The following PAPSS1 variants were observed in gnomAD, a reference collection of about 807,000 sequenced individuals.
The protein encoded by PAPSS1 is 3'-phosphoadenosine 5'-phosphosulfate synthase 1.
PAPSS1 carries 50 observed loss-of-function variants against 72.0 expected under a neutral mutation model. The ratio of observed to expected loss-of-function variants is 0.69; its 90% CI spans 0.55 to 0.88. PAPSS1 has a LOEUF of 0.88. Among genes scored for constraint, PAPSS1 ranks in the 40% least tolerant of loss-of-function variants. PAPSS1 has a pLI of 0.00. For missense variants in PAPSS1, 657 were observed against 782.2 expected, an observed-to-expected ratio of 0.84 and a Z score of 1.91; for synonymous variants, 261 against 263.6, an observed-to-expected ratio of 0.99 and a Z score of 0.09.
At chr4:107,662,586 G>A (rs1167437372) in intron 5 of PAPSS1, among the ~76,000 whole-genome samples, 1 of 150,542 alleles carries the variant, frequency 6.6e-6, no homozygotes. Context: ...TACCAGGAGG[G>A]GAAACCACAT....
At chr4:107,622,457 A>G (rs1326182839) in intron 11 of PAPSS1, among the ~76,000 whole-genome samples, 1 of 152,242 alleles carries the variant, frequency 6.6e-6, no homozygotes, top group Admixed American at 6.5e-5. Context: ...CCACTAAGAG[A>G]AAAAAATCAC....
At position 107,660,009 on chromosome 4, in the gene PAPSS1, G is replaced by GA. The variant is rs1390795145; in HGVS notation, c.732dup (p.His245SerfsTer16). 1 of 1,608,554 alleles carries GA rather than the reference G, an allele frequency of 6.2e-7. No homozygotes were observed. The highest frequency in any genetic ancestry group is 8.5e-7 in the Non-Finnish European group (1 of 1,177,174). ...GTTTCCGCATCTGTTTTTGCCAAAT[G>GA]AAGTTTATTTTCTGGCACATATAGT... On this transcript the variant is annotated frameshift_variant, in exon 6 of 12. Coordinates refer to ENST00000265174, the MANE Select transcript of PAPSS1 (RefSeq NM_005443.5). LOFTEE classifies it high-confidence loss of function.
In PAPSS1 at chr4:107,633,190, G is replaced by A. The variant is rs113192273; in HGVS notation, c.1507-1330C>T. Among the ~76,000 whole-genome samples, 118 of 152,242 alleles carry A rather than the reference G, an allele frequency of 7.8e-4. 1 individual carries two copies. The highest frequency in any genetic ancestry group is 2.5e-3 in the Admixed American group (38 of 15,284). On this transcript the variant is annotated intron_variant, in intron 10 of 11. Coordinates refer to ENST00000265174, the MANE Select transcript of PAPSS1 (RefSeq NM_005443.5). ...CTACCATATTCGAGTATTTAATGAG[G>A]TTCTTATTCCCCAACAGGTACAGTG...
intron 9 of PAPSS1, among the ~76,000 whole-genome samples, chr4:107,646,326 CAT>C (rs1214220926): frequency 5.4e-4 from 78 of 144,090 alleles, no homozygotes; most frequent in East Asian, 3.9e-3. Flanking sequence ...CACACACACA[CAT>C]ACACACACAT....
chr4:107,628,287 G>GT (rs1171630672), intron 11 of PAPSS1, among the ~76,000 whole-genome samples: 2 of 152,146 alleles, frequency 1.3e-5, no homozygotes, highest in African/African-American at 4.8e-5. Flanking sequence ...GGTAATAATA[G>GT]TATTTCTTTC....
intron 11 of PAPSS1, among the ~76,000 whole-genome samples, chr4:107,621,031 G>A (rs927742173): frequency 4.6e-5 from 7 of 152,088 alleles, no homozygotes; most frequent in Admixed American, 3.9e-4. Context: ...AGATCTCAGT[G>A]GCATCTGATG....
intron 1 of PAPSS1, among the ~76,000 whole-genome samples, chr4:107,716,730 G>A (rs962712073): frequency 1.3e-5 from 2 of 152,196 alleles, no homozygotes; most frequent in Non-Finnish European, 2.9e-5. Context: ...GTAAGAGGCA[G>A]CTCCAAGAGC....
At chr4:107,663,856 G>T (rs1486651034) in intron 5 of PAPSS1, among the ~76,000 whole-genome samples, 1 of 152,136 alleles carries the variant, frequency 6.6e-6, no homozygotes, top group Non-Finnish European at 1.5e-5. Context: ...TAGTTGAGAA[G>T]TATTGAAAAC....
intron 7 of PAPSS1, among the ~76,000 whole-genome samples, 185 bp from the exon 8 acceptor site, chr4:107,655,085 T>A (rs1726964454): frequency 7.5e-6 from 1 of 132,888 alleles, no homozygotes; most frequent in Admixed American, 8.4e-5. Flanking sequence ...TCAGGGAGAA[T>A]GAGCAACGAT....
chr4:107,689,429 ACCT>A (rs1722863159), intron 3 of PAPSS1, among the ~76,000 whole-genome samples: 1 of 151,846 alleles, frequency 6.6e-6, no homozygotes, highest in Non-Finnish European at 1.5e-5. Flanking sequence ...CTCCATGGTG[ACCT>A]CCTCCAGGAA....
chr4:107,633,494 T>C (rs1044921703), intron 10 of PAPSS1, among the ~76,000 whole-genome samples: 2 of 152,110 alleles, frequency 1.3e-5, no homozygotes, highest in African/African-American at 4.8e-5. Context: ...ACCTGCTTCA[T>C]GACCACACAG....
intron 1 of PAPSS1, among the ~76,000 whole-genome samples, chr4:107,710,074 A>C (rs1196400791): frequency 1.3e-5 from 2 of 152,186 alleles, no homozygotes; most frequent in South Asian, 4.1e-4. Flanking sequence ...TTCCTTCTGC[A>C]CCCACTTCAG....
chr4:107,628,703 C>A (rs1319236840), intron 11 of PAPSS1, among the ~76,000 whole-genome samples: 1 of 152,194 alleles, frequency 6.6e-6, no homozygotes, highest in Non-Finnish European at 1.5e-5. Flanking sequence ...AAGCACAAAA[C>A]ATTTCATATG....
chr4:107,681,947 T>C, intron 5 of PAPSS1, 68 bp downstream of exon 5: 2 of 777,636 alleles, frequency 2.6e-6, no homozygotes, highest in Non-Finnish European at 4.4e-6. Context: ...CCATTTTTTT[T>C]TGGAGGGGAA....
chr4:107,675,107 C>T (rs1727601907), intron 5 of PAPSS1, among the ~76,000 whole-genome samples: 1 of 152,120 alleles, frequency 6.6e-6, no homozygotes, highest in South Asian at 2.1e-4. Context: ...GACACCCTAA[C>T]ATCGCAATTA....
intron 5 of PAPSS1, among the ~76,000 whole-genome samples, chr4:107,665,764 T>C (rs1727299425): frequency 6.6e-6 from 1 of 152,188 alleles, no homozygotes; most frequent in Non-Finnish European, 1.5e-5. Flanking sequence ...CAGAACGTTG[T>C]TTGACTTTGA....
At chr4:107,632,553 T>A (rs1177046109) in intron 10 of PAPSS1, among the ~76,000 whole-genome samples, 1 of 151,680 alleles carries the variant, frequency 6.6e-6, no homozygotes, top group African/African-American at 2.4e-5. Flanking sequence ...CCATGCTGCA[T>A]CCAAAACTAG....
At chr4:107,703,367 C>A (rs1723253959) in intron 1 of PAPSS1, among the ~76,000 whole-genome samples, 1 of 150,478 alleles carries the variant, frequency 6.6e-6, no homozygotes, top group African/African-American at 2.4e-5. Flanking sequence ...GATGTACTCC[C>A]ATTTGTCTAT....
chr4:107,642,984 A>C (rs952568891), intron 10 of PAPSS1, among the ~76,000 whole-genome samples: 1 of 152,178 alleles, frequency 6.6e-6, no homozygotes, highest in Admixed American at 6.5e-5. Flanking sequence ...TAAAACCTTC[A>C]CGCCAGCGCT....
Sources: gnomAD v4.1 joint callset for allele counts (sites outside exome capture counted in the v4.1 genomes callset) on GRCh38, gnomAD v4.1.1 for gene constraint, MANE v1.5 for transcripts, NCBI Gene and HGNC (gene_info 2026-07-23, HGNC 2026-07-21) for gene names.